HEATR9: variants seen among roughly 807,000 people sequenced by gnomAD.
HEATR9 encodes HEAT repeat containing 9.
HEATR9 carries 54 observed loss-of-function variants against 68.2 expected under a neutral mutation model. The observed-to-expected ratio is 0.79, with a 90% CI of 0.64 to 0.99. The LOEUF (loss-of-function observed/expected upper bound fraction) is 0.99, where lower values mean the gene tolerates loss of function less well. Among genes scored for constraint, HEATR9 ranks in the 50% least tolerant of loss-of-function variants. The pLI, the probability that HEATR9 is intolerant of heterozygous loss-of-function variation, is 0.00. For missense variants in HEATR9, 662 were observed against 679.7 expected, an observed-to-expected ratio of 0.97 and a Z score of 0.29; for synonymous variants, 241 against 253.5, an observed-to-expected ratio of 0.95 and a Z score of 0.47.
chr17:35,865,774 A>G (rs2088178691), intron 2 of HEATR9, among the ~76,000 whole-genome samples: 1 of 152,124 alleles, frequency 6.6e-6, no homozygotes, highest in Non-Finnish European at 1.5e-5. Context: ...TGAGTAGGGA[A>G]ATGAAAAGGC....
Position 35,855,168 on chromosome 17 carries a change from G to T in HEATR9, c.1608C>A (p.Phe536Leu). The stretch of plus-strand genomic sequence containing the variant: ...TTCGTGGTTTCGAGCAGCACGGTGG[G>T]AAAGCAGGCGTTTTCTTTTGGCCTA... ...TKVGQKKTPA[F>L]PPCCSKPRKH... is the part of the protein sequence containing the mutation. The change falls in exon 15 of 15, where the codon TTC becomes TTA. Residue 536 changes from phenylalanine to leucine, a missense_variant. Phe to Leu is a conservative substitution (Grantham distance 22, BLOSUM62 0). Coordinates refer to ENST00000604834, the MANE Select transcript of HEATR9 (RefSeq NM_152781.4). The T allele has an allele frequency of 6.2e-7, 1 of 1,614,134 alleles. No homozygotes were observed. Among genetic ancestry groups the T allele is most frequent in the Non-Finnish European group, 8.5e-7 (1 of 1,180,016 alleles).
At chr17:35,864,159 C>T (rs1381259091) in intron 6 of HEATR9, 87 bp downstream of exon 6, 4 of 1,140,708 alleles carry the variant, frequency 3.5e-6, no homozygotes, top group African/African-American at 1.5e-5. Context: ...CATCCTAGCA[C>T]CCCGGGGAGC....
chr17:35,867,597 C>T (rs1369992485), intron 1 of HEATR9, among the ~76,000 whole-genome samples: 2 of 152,004 alleles, frequency 1.3e-5, no homozygotes, highest in Non-Finnish European at 2.9e-5. Context: ...TTGCTTGAGC[C>T]AAGGAGTTCA....
At chr17:35,866,810 T>C (rs369192627) in intron 1 of HEATR9, 37 bp from the exon 2 acceptor site, 2 of 1,605,044 alleles carry the variant, frequency 1.2e-6, no homozygotes, top group African/African-American at 2.7e-5. Context: ...GTGGTTCAAA[T>C]GAGATAGCAG....
chr17:35,857,576 G>T (rs926460765), intron 11 of HEATR9, among the ~76,000 whole-genome samples: 5 of 152,064 alleles, frequency 3.3e-5, no homozygotes, highest in Non-Finnish European at 7.4e-5. Context: ...TGGCTAACAC[G>T]ATGAAACCCC....
Position 35,868,679 on chromosome 17 carries a change from G to A in HEATR9, c.64C>T (p.Leu22=). ...VSRSMFLYPW[L]EYPDKTKELR... ...CCTTTGGTCTTGTCTGGATATTCCA[G>A]CCATGGGTACAGGAACATTGACCTG... Residue 22 remains leucine (L), a synonymous_variant, in exon 1 of 15, where the codon CTG becomes TTG. Transcript: ENST00000604834. 6.2e-7 allele frequency: 1 copy of A among 1,614,154 alleles called. No homozygotes were observed. Among genetic ancestry groups the A allele is most frequent in the African/African-American group, 1.3e-5 (1 of 75,034 alleles).
chr17:35,855,566 T>A, intron 14 of HEATR9, 98 bp downstream of exon 14: 1 of 1,337,242 alleles, frequency 7.5e-7, no homozygotes, highest in Non-Finnish European at 1.1e-6. Flanking sequence ...CTCATGACCC[T>A]CTCCTCCTGA....
intron 2 of HEATR9, among the ~76,000 whole-genome samples, chr17:35,865,758 G>T (rs1163937222): frequency 6.6e-6 from 1 of 152,168 alleles, no homozygotes. Context: ...CTTTGAAAAT[G>T]ACACTTGAGT....
At position 35,856,779 on chromosome 17, in the gene HEATR9, A is replaced by G. The variant is rs2087790594; in HGVS notation, c.1179T>C (p.Thr393=). 2.5e-6 allele frequency: 4 copies of G among 1,606,352 alleles called. No homozygotes were observed. Among genetic ancestry groups the G allele is most frequent in the Non-Finnish European group, 2.6e-6 (3 of 1,176,334 alleles). Residue 393 remains threonine, a synonymous_variant, in exon 12 of 15, where the codon ACT becomes ACC. Transcript: ENST00000604834. The part of the protein sequence containing the change: ...FLAVRQAVAQ[T]VEELKLKPTM... ...TAGGCTTCAACTTGAGCTCTTCCAC[A>G]GTTTGAGCCACAGCCTGCCTCACAG... is the stretch of plus-strand genomic sequence containing the variant.
rs764182463 is a variant in HEATR9 at position 35,855,402 on chromosome 17, T to C, written c.1374A>G (p.Glu458=). 1.2e-6 allele frequency: 2 copies of C among 1,612,094 alleles called. No individual in the cohort carries two copies. The highest frequency in any genetic ancestry group is 4.5e-5 in the East Asian group (2 of 44,836). Residue 458 remains glutamate, a synonymous_variant, in exon 15 of 15, where the codon GAA becomes GAG. Coordinates refer to ENST00000604834, the MANE Select transcript of HEATR9 (RefSeq NM_152781.4). ...NHQAVKKSLQ[E]TLILCASIDP... ...CAATTGAGGCACAAAGGATTAATGTTTCTTGTAGCTGCATTGAAACAAAGG... is the reference window on the plus strand; with the variant it reads ...CAATTGAGGCACAAAGGATTAATGTCTCTTGTAGCTGCATTGAAACAAAGG...
rs541044178 is a variant in HEATR9, at chr17:35,865,293, G to A, written c.242C>T (p.Thr81Met). 2.6e-5 allele frequency: 42 copies of A among 1,613,942 alleles called. No homozygotes were observed. In the South Asian group the frequency reaches 2.6e-4, roughly 10 times the overall value. ...CTGATCATACAGGTCGTGCCAGTGC[G>A]TGTAGATCTCAGGTTTCTTGAAGTA... ...YCYFKKPEIY[T>M]HWHDLYDQRE... The change falls in exon 3 of 15, where the codon ACG (threonine) becomes ATG (methionine). Residue 81 changes from threonine to methionine, a missense_variant. Physicochemically the swap from Thr to Met is moderately conservative, Grantham distance 81. Coordinates refer to ENST00000604834, the MANE Select transcript of HEATR9 (RefSeq NM_152781.4).
Position 35,858,422 on chromosome 17 carries a change from C to T in HEATR9, c.1032+11G>A. On this transcript the variant is annotated intron_variant, in intron 10 of 14. Transcript: ENST00000604834. ...CCGGGAAAGGAAGGGTTCAGGCAGTCCAGAGCTTACCTCAAGGACACTGGA... is the reference window on the plus strand; with the variant it reads ...CCGGGAAAGGAAGGGTTCAGGCAGTTCAGAGCTTACCTCAAGGACACTGGA... 1 of 1,614,090 alleles carries T rather than the reference C, an allele frequency of 6.2e-7. No homozygotes were observed. The highest frequency in any genetic ancestry group is 8.5e-7 in the Non-Finnish European group (1 of 1,179,984).
At chr17:35,865,417 A>C (rs1318659833) in intron 2 of HEATR9, 21 bp from the exon 3 acceptor site, 1 of 1,608,922 alleles carries the variant, frequency 6.2e-7, no homozygotes, top group Middle Eastern at 2.0e-4. Context: ...CAAGTGGCAG[A>C]ACAGTCAGAG....
At chr17:35,855,800 C>T (rs771035390) in intron 13 of HEATR9, 50 bp from the exon 14 acceptor site, 6 of 1,450,550 alleles carry the variant, frequency 4.1e-6, no homozygotes, top group Middle Eastern at 2.1e-4. Context: ...CAGGAAGACA[C>T]CTTATACTCT....
chr17:35,858,920 G>T lies in HEATR9; in HGVS notation c.907C>A (p.Leu303Met). ...NMVQEFLLQC[L>M]CQGLKTQRMK... ...CGCTGGGTCTTGAGTCCTTGGCACA[G>T]GCACTGCAACAAGAACTCTTGGACC... The change falls in exon 9 of 15, where the codon CTG becomes ATG. Residue 303 changes from leucine (L) to methionine (M), a missense_variant. By Grantham distance (15) the Leu-to-Met change is conservative (BLOSUM62 2). Transcript: ENST00000604834. The T allele has an allele frequency of 9.3e-6, 15 of 1,614,076 alleles. No homozygotes were observed. Among genetic ancestry groups the T allele is most frequent in the Non-Finnish European group, 1.3e-5 (15 of 1,180,028 alleles).
At chr17:35,858,601 G>A in intron 9 of HEATR9, 76 bp from the exon 10 acceptor site, 2 of 1,330,700 alleles carry the variant, frequency 1.5e-6, no homozygotes, top group Non-Finnish European at 2.1e-6. Flanking sequence ...TGAGGTCTGA[G>A]CCTAGAACTG....
In HEATR9 at chr17:35,861,197, T is replaced by C. The variant is rs1272575636; in HGVS notation, c.756+1798A>G. 2.6e-5 allele frequency: 41 copies of C among 1,601,990 alleles called. No individual in the cohort carries two copies. The East Asian group carries it at 9.1e-4, about 36-fold the overall frequency. ...TGGATGTTTTGCTTGACTTCTTTGA[T>C]ATCCTGAACTTTCTGTAGCTCTTTA... On this transcript the variant is annotated intron_variant, in intron 8 of 14. Coordinates refer to ENST00000604834, the MANE Select transcript of HEATR9 (RefSeq NM_152781.4).
rs897081427 is a variant in HEATR9 at position 35,865,038 on chromosome 17, G to A, written c.321-148C>T. On this transcript the variant is annotated intron_variant, in intron 3 of 14. Coordinates refer to ENST00000604834, the MANE Select transcript of HEATR9 (RefSeq NM_152781.4). ...GGACTCAGTGATATCCACCAGAGCC[G>A]AGCCGAGCCGAGCCGGCCGAGCCAG... 63 of 1,302,336 alleles carry A rather than the reference G, an allele frequency of 4.8e-5. No individual in the cohort carries two copies. In the African/African-American group the frequency reaches 4.9e-4, roughly 10 times the overall value. The allele number at this position is 1,302,336 out of a possible 1,614,324, so 80.7% of individuals were successfully genotyped here. A position where few individuals can be genotyped will look rare whatever the true frequency, so the allele number is the denominator to read the frequency against.
chr17:35,867,911 G>C (rs1434836348), intron 1 of HEATR9, among the ~76,000 whole-genome samples: 1 of 152,124 alleles, frequency 6.6e-6, no homozygotes, highest in African/African-American at 2.4e-5. Flanking sequence ...CTCCCAAGTA[G>C]CTGGGATTAT....
Sources: allele counts gnomAD v4.1 joint callset (sites outside exome capture counted in the v4.1 genomes callset), GRCh38; gene constraint gnomAD v4.1.1; transcripts MANE v1.5; gene names NCBI Gene and HGNC (gene_info 2026-07-23, HGNC 2026-07-21).